The following SNX29 variants were observed in gnomAD, a reference collection of about 807,000 sequenced individuals.
SNX29 encodes the protein sorting nexin-29.
A neutral mutation model predicts 102.1 loss-of-function variants in SNX29; 78 were observed. The ratio of observed to expected loss-of-function variants is 0.76; its 90% CI spans 0.64 to 0.92. SNX29 has a LOEUF of 0.92. Among genes scored for constraint, SNX29 ranks in the 40% least tolerant of loss-of-function variants. The pLI is 0.00. For synonymous variants in SNX29, 580 were observed against 414.5 expected, an observed-to-expected ratio of 1.40 and a Z score of -4.85; for missense variants, 1,280 against 1,061.7, an observed-to-expected ratio of 1.21 and a Z score of -2.86.
chr16:12,124,185 A>G (rs350202), intron 11 of SNX29, among the ~76,000 whole-genome samples: 1 of 152,078 alleles, frequency 6.6e-6, no homozygotes, highest in Non-Finnish European at 1.5e-5. Flanking sequence ...GTGAAACCCC[A>G]TCTCTACTAA....
intron 10 of SNX29, among the ~76,000 whole-genome samples, chr16:12,070,754 C>A (rs1263566247): frequency 2.6e-5 from 4 of 152,140 alleles, no homozygotes; most frequent in African/African-American, 7.2e-5. Context: ...AATCGCCACA[C>A]TGACTTCCAC....
At chr16:12,547,571 C>T (rs1048568829) in intron 20 of SNX29, among the ~76,000 whole-genome samples, 1 of 152,042 alleles carries the variant, frequency 6.6e-6, no homozygotes, top group African/African-American at 2.4e-5. Context: ...ACATCCCCCT[C>T]CCTCACGAGG....
chr16:12,127,401 A>T (rs1379453060), intron 12 of SNX29, among the ~76,000 whole-genome samples: 1 of 150,838 alleles, frequency 6.6e-6, no homozygotes, highest in African/African-American at 2.4e-5. Flanking sequence ...CCCTTTAATT[A>T]TCACCTCCTT....
At position 12,430,098 on chromosome 16, in the gene SNX29, G is replaced by C. The variant is rs376462702; in HGVS notation, c.2037+26569G>C. The stretch of plus-strand genomic sequence containing the variant: ...TTCTCATAGGGGCACAAACCCCATT[G>C]TGAACTGTGCATACAAGGGATCTAG... On this transcript the variant is annotated intron_variant, in intron 18 of 20. Coordinates refer to ENST00000566228, the MANE Select transcript of SNX29 (RefSeq NM_032167.5). Among the ~76,000 whole-genome samples the C allele has an allele frequency of 3.9e-5, 6 of 152,344 alleles. No individual in the cohort carries two copies. The East Asian group carries it at 7.7e-4, about 20-fold the overall frequency.
chr16:12,015,110 G>C (rs1347861927), intron 3 of SNX29, among the ~76,000 whole-genome samples: 1 of 152,046 alleles, frequency 6.6e-6, no homozygotes, highest in Non-Finnish European at 1.5e-5. Context: ...AGATAAAATA[G>C]CCATGTATAT....
At chr16:12,058,425 A>C in intron 8 of SNX29, among the ~76,000 whole-genome samples, 1 of 151,750 alleles carries the variant, frequency 6.6e-6, no homozygotes, top group East Asian at 1.9e-4. Context: ...CAGCTTCAGG[A>C]ATCTTTAATG....
chr16:12,556,806 A>G (rs770697463), intron 20 of SNX29, among the ~76,000 whole-genome samples: 6 of 152,236 alleles, frequency 3.9e-5, no homozygotes, highest in South Asian at 4.2e-4. Context: ...CCCCTTTACT[A>G]AAGTACAGAA....
intron 20 of SNX29, among the ~76,000 whole-genome samples, chr16:12,554,129 G>C (rs936517366): frequency 5.9e-5 from 9 of 152,182 alleles, no homozygotes; most frequent in East Asian, 1.9e-4. Context: ...TGCCCAGCCT[G>C]GATGCTTTGC....
intron 17 of SNX29, among the ~76,000 whole-genome samples, chr16:12,400,475 C>G (rs762152305): frequency 3.5e-4 from 53 of 152,320 alleles, no homozygotes; most frequent in Non-Finnish European, 6.8e-4. Flanking sequence ...CAGTGCTGGT[C>G]TAGACTCAGT....
chr16:12,042,650 C>T (rs1002456946), intron 4 of SNX29, among the ~76,000 whole-genome samples: 5 of 152,206 alleles, frequency 3.3e-5, no homozygotes, highest in African/African-American at 9.6e-5. Context: ...CTGCATAGGA[C>T]ACAATTTTGT....
rs79282195 is a variant in SNX29, at chr16:12,382,019, C to A, written c.1900-16427C>A. The stretch of plus-strand genomic sequence containing the variant: ...TTGTACCTAAAGTCATCACGTTCAT[C>A]ATGAGGAATATGTCTTCAAGCAGCT... On this transcript the variant is annotated intron_variant, in intron 16 of 20. Transcript: ENST00000566228. 7.5e-3 allele frequency among the ~76,000 whole-genome samples: 1,143 copies of A among 151,972 alleles called. 15 individuals are homozygous for A. Among genetic ancestry groups the A allele is most frequent in the South Asian group, 0.032 (154 of 4,794 alleles).
At chr16:12,444,826 G>T (rs868064390) in intron 18 of SNX29, among the ~76,000 whole-genome samples, 4 of 144,394 alleles carry the variant, frequency 2.8e-5, no homozygotes, top group Non-Finnish European at 4.5e-5. Flanking sequence ...TTGTCCCCTC[G>T]ACAGTGTTTT....
At chr16:12,341,104 T>A (rs1455400719) in intron 15 of SNX29, among the ~76,000 whole-genome samples, 1 of 152,222 alleles carries the variant, frequency 6.6e-6, no homozygotes, top group Non-Finnish European at 1.5e-5. Context: ...GCATCCAACC[T>A]ATGGTTACTA....
At chr16:12,226,267 A>C (rs560229183) in intron 14 of SNX29, among the ~76,000 whole-genome samples, 20 of 152,364 alleles carry the variant, frequency 1.3e-4, no homozygotes, top group African/African-American at 4.8e-4. Context: ...CAGAGGCCCA[A>C]AAATGAAGTG....
intron 10 of SNX29, among the ~76,000 whole-genome samples, chr16:12,078,275 G>C (rs999361297): frequency 1.3e-5 from 2 of 152,056 alleles, no homozygotes; most frequent in Non-Finnish European, 2.9e-5. Flanking sequence ...AGGACTTTGA[G>C]ACCAGTCTGG....
chr16:12,565,387 G>T (rs900498485), intron 20 of SNX29, among the ~76,000 whole-genome samples: 1 of 152,114 alleles, frequency 6.6e-6, no homozygotes, highest in African/African-American at 2.4e-5. Flanking sequence ...GATTTCCGCA[G>T]GTGTCATCCA....
At chr16:12,126,503 T>C in intron 11 of SNX29, 130 bp from the exon 12 acceptor site, 1 of 907,820 alleles carries the variant, frequency 1.1e-6, no homozygotes, top group East Asian at 2.7e-5. Flanking sequence ...GTTATAGGAG[T>C]TATTTTTGAA....
intron 18 of SNX29, among the ~76,000 whole-genome samples, chr16:12,440,793 G>C (rs1375743277): frequency 6.6e-6 from 1 of 152,202 alleles, no homozygotes; most frequent in African/African-American, 2.4e-5. Context: ...TGGCTGCATA[G>C]TATTCCATGG....
intron 18 of SNX29, among the ~76,000 whole-genome samples, chr16:12,411,334 G>T (rs913537532): frequency 6.6e-6 from 1 of 152,128 alleles, no homozygotes; most frequent in Non-Finnish European, 1.5e-5. Flanking sequence ...GGGAGCACTT[G>T]CCCTTGTTCT....
Sources: gnomAD v4.1 joint callset for allele counts (sites outside exome capture counted in the v4.1 genomes callset) on GRCh38, gnomAD v4.1.1 for gene constraint, MANE v1.5 for transcripts, NCBI Gene and HGNC (gene_info 2026-07-23, HGNC 2026-07-21) for gene names.